STXBP6: variants seen among roughly 807,000 people sequenced by gnomAD.
STXBP6 encodes the protein syntaxin-binding protein 6.
A neutral mutation model predicts 26.9 loss-of-function variants in STXBP6; 21 were observed. The observed-to-expected ratio is 0.78, with a 90% CI of 0.55 to 1.12. The LOEUF is 1.12. Among genes scored for constraint, STXBP6 ranks in the 50% most tolerant of loss-of-function variants. STXBP6 has a pLI of 0.00. For missense variants in STXBP6, 232 were observed against 257.9 expected, an observed-to-expected ratio of 0.90 and a Z score of 0.69; for synonymous variants, 97 against 92.6, an observed-to-expected ratio of 1.05 and a Z score of -0.27.
intron 1 of STXBP6, among the ~76,000 whole-genome samples, chr14:25,015,617 A>T (rs573026146): frequency 1.3e-5 from 2 of 152,322 alleles, no homozygotes; most frequent in East Asian, 3.9e-4. Flanking sequence ...TATTTCACTT[A>T]GAAAATAACT....
chr14:24,981,962 G>A (rs1164113081), intron 1 of STXBP6, among the ~76,000 whole-genome samples: 1 of 152,132 alleles, frequency 6.6e-6, no homozygotes, highest in East Asian at 1.9e-4. Context: ...AACAGAAAAT[G>A]AGCTCATGAA....
At chr14:24,847,543 T>A (rs1419086050) in intron 4 of STXBP6, among the ~76,000 whole-genome samples, 1 of 152,178 alleles carries the variant, frequency 6.6e-6, no homozygotes, top group South Asian at 2.1e-4. Context: ...AAAACTTTCA[T>A]ATGTCTGTAA....
At position 24,932,106 on chromosome 14, in the gene STXBP6, G is replaced by A. The variant is rs1315582556; in HGVS notation, c.154+42559C>T. Among the ~76,000 whole-genome samples, 100 of 152,008 alleles carry A rather than the reference G, an allele frequency of 6.6e-4. 1 individual carries two copies. The highest frequency in any genetic ancestry group is 8.8e-5 in the Non-Finnish European group (6 of 67,998). On this transcript the variant is annotated intron_variant, in intron 2 of 5. Coordinates refer to ENST00000323944, the MANE Select transcript of STXBP6 (RefSeq NM_001394410.1). Reference sequence around the variant, plus strand: ...CACATTTGGATTTATTCAAGATTTCGATTAATAAGATTTAGATTTGGGCTG... The same window carrying A: ...CACATTTGGATTTATTCAAGATTTCAATTAATAAGATTTAGATTTGGGCTG...
chr14:24,914,726 G>A (rs1454503925), intron 2 of STXBP6, among the ~76,000 whole-genome samples: 3 of 152,242 alleles, frequency 2.0e-5, no homozygotes, highest in African/African-American at 7.2e-5. Flanking sequence ...CATTTAAGAT[G>A]CACATCAGAA....
At chr14:24,817,458 A>C (rs2068010124) in intron 5 of STXBP6, 1 of 154,592 alleles carries the variant, frequency 6.5e-6, no homozygotes, top group Admixed American at 6.3e-5. Flanking sequence ...TCTGTGTGGG[A>C]AGACATGAAA....
intron 2 of STXBP6, among the ~76,000 whole-genome samples, chr14:24,936,231 A>G (rs1241279339): frequency 1.3e-5 from 2 of 152,162 alleles, no homozygotes; most frequent in African/African-American, 4.8e-5. Context: ...TTGCTTTTCA[A>G]CACTGTTGTT....
chr14:24,929,773 G>T (rs956017961), intron 2 of STXBP6, among the ~76,000 whole-genome samples: 2 of 152,202 alleles, frequency 1.3e-5, no homozygotes, highest in Non-Finnish European at 2.9e-5. Flanking sequence ...CCTGGGCATC[G>T]CTCAATGAAC....
At chr14:24,980,429 C>T (rs1293962437) in intron 1 of STXBP6, among the ~76,000 whole-genome samples, 1 of 152,190 alleles carries the variant, frequency 6.6e-6, no homozygotes, top group African/African-American at 2.4e-5. Context: ...ATAAATTAGA[C>T]AAAAATTTTA....
intron 5 of STXBP6, chr14:24,817,287 C>G (rs2138708146): frequency 1.3e-5 from 2 of 152,378 alleles, no homozygotes; most frequent in South Asian, 4.1e-4. Context: ...GTACAGCCCC[C>G]TCTGGGAGGG....
intron 4 of STXBP6, among the ~76,000 whole-genome samples, chr14:24,833,848 T>C (rs1482006274): frequency 6.6e-6 from 1 of 152,196 alleles, no homozygotes; most frequent in Non-Finnish European, 1.5e-5. Flanking sequence ...TATGGTCTAG[T>C]GTGAAAAAGA....
intron 4 of STXBP6, among the ~76,000 whole-genome samples, chr14:24,839,144 G>A (rs993034949): frequency 6.6e-6 from 1 of 152,040 alleles, no homozygotes; most frequent in African/African-American, 2.4e-5. Context: ...GTCTGTCCCC[G>A]CCTGCCCTCC....
intron 2 of STXBP6, among the ~76,000 whole-genome samples, chr14:24,857,772 T>C (rs1036867891): frequency 2.0e-5 from 3 of 151,832 alleles, no homozygotes; most frequent in Non-Finnish European, 4.4e-5. Context: ...TCCACACCTG[T>C]AGGAAAAGGA....
At chr14:24,833,090 T>C (rs2068505424) in intron 4 of STXBP6, among the ~76,000 whole-genome samples, 1 of 152,188 alleles carries the variant, frequency 6.6e-6, no homozygotes, top group South Asian at 2.1e-4. Flanking sequence ...ATCATGAGAG[T>C]TTCCATGGTT....
Position 24,962,571 on chromosome 14 carries a change from G to A in STXBP6, c.154+12094C>T, listed in dbSNP as rs182746256. ...TCGGACTCCTGACCTCAAGTGATCC[G>A]CCCGCCTCAGCCTCCCAAAGTGCTG... On this transcript the variant is annotated intron_variant, in intron 2 of 5. Coordinates refer to ENST00000323944, the MANE Select transcript of STXBP6 (RefSeq NM_001394410.1). Among the ~76,000 whole-genome samples the A allele has an allele frequency of 2.5e-3, 374 of 151,852 alleles. 1 individual carries two copies. Among genetic ancestry groups the A allele is most frequent in the Non-Finnish European group, 4.3e-3 (290 of 67,920 alleles).
chr14:25,023,522 C>A, intron 1 of STXBP6, among the ~76,000 whole-genome samples: 1 of 152,064 alleles, frequency 6.6e-6, no homozygotes, highest in East Asian at 1.9e-4. Flanking sequence ...TCCAAAGGTG[C>A]TTTTGTGGCT....
intron 1 of STXBP6, among the ~76,000 whole-genome samples, chr14:25,028,823 C>G (rs1406698058): frequency 6.6e-6 from 1 of 152,038 alleles, no homozygotes; most frequent in Non-Finnish European, 1.5e-5. Flanking sequence ...GTCAAAATAT[C>G]AACATTAACA....
At chr14:25,042,255 T>C (rs1456552209) in intron 1 of STXBP6, among the ~76,000 whole-genome samples, 3 of 152,090 alleles carry the variant, frequency 2.0e-5, no homozygotes, top group African/African-American at 7.2e-5. Flanking sequence ...GCATATACTT[T>C]ACAGAGGTGC....
chr14:25,024,688 A>G (rs2075317877), intron 1 of STXBP6, among the ~76,000 whole-genome samples: 1 of 152,218 alleles, frequency 6.6e-6, no homozygotes, highest in Admixed American at 6.5e-5. Flanking sequence ...TAGACAGCCT[A>G]GCAATACTGC....
chr14:24,891,349 A>G (rs1317696812), intron 2 of STXBP6, among the ~76,000 whole-genome samples: 1 of 152,194 alleles, frequency 6.6e-6, no homozygotes, highest in Non-Finnish European at 1.5e-5. Context: ...CTGAAGGATA[A>G]ATAGGGGTTA....
Sources: allele counts gnomAD v4.1 joint callset (sites outside exome capture counted in the v4.1 genomes callset), GRCh38; gene constraint gnomAD v4.1.1; transcripts MANE v1.5; gene names NCBI Gene and HGNC (gene_info 2026-07-23, HGNC 2026-07-21).